The following MICAL3 variants were observed in gnomAD, a reference collection of about 807,000 sequenced individuals.
The protein encoded by MICAL3 is microtubule associated monooxygenase, calponin and LIM domain containing 3.
MICAL3 carries 62 observed loss-of-function variants against 207.4 expected under a neutral mutation model. The observed-to-expected ratio is 0.30, with a 90% CI of 0.24 to 0.37. The LOEUF is 0.37. Among genes scored for constraint, MICAL3 ranks in the 10% least tolerant of loss-of-function variants. MICAL3 has a pLI of 1.00. For missense variants in MICAL3, 2,368 were observed against 2,635.6 expected, an observed-to-expected ratio of 0.90 and a Z score of 2.22; for synonymous variants, 1,077 against 1,069.3, an observed-to-expected ratio of 1.01 and a Z score of -0.14.
chr22:18,000,557 G>A (rs1311867537), intron 1 of MICAL3, among the ~76,000 whole-genome samples: 1 of 152,242 alleles, frequency 6.6e-6, no homozygotes, highest in Non-Finnish European at 1.5e-5. Context: ...GCCAGGCGGA[G>A]GGTCTCGCTG....
At chr22:17,873,426 G>T (rs961548235) in intron 16 of MICAL3, among the ~76,000 whole-genome samples, 1 of 152,258 alleles carries the variant, frequency 6.6e-6, no homozygotes, top group African/African-American at 2.4e-5. Flanking sequence ...GGCAGCGAAC[G>T]CTCCCAGGCT....
chr22:17,825,404 G>A lies in MICAL3; in HGVS notation c.3193+2240C>T, dbSNP rs889836212. On this transcript the variant is annotated intron_variant, in intron 22 of 31. Coordinates refer to ENST00000441493, the MANE Select transcript of MICAL3 (RefSeq NM_015241.3). ...GCTGCCACGCAGGTTGATGAGCCAC[G>A]TGCTATGAAAGCCAGGAGCCACTGA... 7.2e-5 allele frequency among the ~76,000 whole-genome samples: 11 copies of A among 152,178 alleles called. No homozygotes were observed. In the East Asian group the frequency reaches 9.6e-4, roughly 13 times the overall value.
intron 24 of MICAL3, 25 bp downstream of exon 24, chr22:17,822,004 GT>G: frequency 1.2e-6 from 2 of 1,611,380 alleles, no homozygotes; most frequent in Non-Finnish European, 1.7e-6. Context: ...TCTGAAAGTT[GT>G]TTCTCCCATC....
chr22:17,926,809 A>C (rs1226486435), intron 1 of MICAL3, among the ~76,000 whole-genome samples: 1 of 152,202 alleles, frequency 6.6e-6, no homozygotes, highest in Admixed American at 6.5e-5. Flanking sequence ...TCGCCCATTT[A>C]TTCCTTCCTT....
chr22:17,978,319 A>G (rs961880877), intron 1 of MICAL3, among the ~76,000 whole-genome samples: 1 of 152,252 alleles, frequency 6.6e-6, no homozygotes, highest in Non-Finnish European at 1.5e-5. Flanking sequence ...GACTACATTT[A>G]CATGAAATGT....
chr22:17,883,588 C>G (rs1043654714), intron 16 of MICAL3, among the ~76,000 whole-genome samples: 4 of 152,200 alleles, frequency 2.6e-5, no homozygotes, highest in African/African-American at 9.7e-5. Flanking sequence ...ACTTGCTCAG[C>G]TGTGACACGG....
intron 2 of MICAL3, among the ~76,000 whole-genome samples, chr22:17,906,333 T>C (rs1931716258): frequency 2.0e-5 from 3 of 152,252 alleles, no homozygotes; most frequent in Admixed American, 6.5e-5. Flanking sequence ...AGGTTGTGGC[T>C]AGACTTTGCC....
At chr22:17,952,039 A>G (rs931657628) in intron 1 of MICAL3, among the ~76,000 whole-genome samples, 2 of 152,146 alleles carry the variant, frequency 1.3e-5, no homozygotes, top group African/African-American at 4.8e-5. Context: ...AATCACTTAG[A>G]ACTCAAGGGC....
chr22:17,861,224 G>A lies in MICAL3; in HGVS notation c.2605+3675C>T, dbSNP rs144050270. 136 of 985,422 alleles carry A rather than the reference G, an allele frequency of 1.4e-4. 1 individual carries two copies. The East Asian group carries it at 0.013, about 95-fold the overall frequency. The allele number at this position is 985,422 out of a possible 1,614,324, so 61.0% of individuals were successfully genotyped here. A position where few individuals can be genotyped will look rare whatever the true frequency, so the allele number is the denominator to read the frequency against. On this transcript the variant is annotated intron_variant, in intron 19 of 31. Transcript: ENST00000441493. Reference sequence around the variant, plus strand: ...CTACTGCCTGGCTACCCTTCTAGCTGGTGTGGGAAAGGCCTGCATTTCCTA... The same window carrying A: ...CTACTGCCTGGCTACCCTTCTAGCTAGTGTGGGAAAGGCCTGCATTTCCTA...
intron 1 of MICAL3, among the ~76,000 whole-genome samples, chr22:17,988,988 T>C (rs115430187): frequency 0.033 from 4,966 of 152,126 alleles, 120 homozygotes; most frequent in African/African-American, 0.069. Flanking sequence ...CTTCCGGCCT[T>C]TTACAGAAAC....
intron 1 of MICAL3, among the ~76,000 whole-genome samples, chr22:17,953,546 T>C (rs1389340123): frequency 6.6e-6 from 1 of 152,062 alleles, no homozygotes; most frequent in Non-Finnish European, 1.5e-5. Flanking sequence ...ATGATCTCTC[T>C]GGGACATGGG....
At chr22:17,798,936 G>A (rs2061907933) in intron 29 of MICAL3, among the ~76,000 whole-genome samples, 1 of 151,968 alleles carries the variant, frequency 6.6e-6, no homozygotes, top group Non-Finnish European at 1.5e-5. Flanking sequence ...GCCTCCCAAA[G>A]TGCTGGGATT....
chr22:17,820,698 G>A (rs1921488049), intron 25 of MICAL3, among the ~76,000 whole-genome samples: 2 of 151,560 alleles, frequency 1.3e-5, no homozygotes, highest in South Asian at 2.1e-4. Flanking sequence ...TTAACATAAT[G>A]TTAAAAATGC....
chr22:17,950,337 G>GTTTTTTTT (rs764642603), intron 1 of MICAL3, among the ~76,000 whole-genome samples: 75 of 89,298 alleles, frequency 8.4e-4, no homozygotes, highest in East Asian at 1.6e-3. Context: ...TTTTGTTTTT[G>GTTTTTTTT]TTTTTTTTTT....
At chr22:17,919,867 T>C (rs1932758320) in intron 1 of MICAL3, among the ~76,000 whole-genome samples, 1 of 152,196 alleles carries the variant, frequency 6.6e-6, no homozygotes, top group East Asian at 1.9e-4. Flanking sequence ...AGTGTAACTG[T>C]TCCCTATAAA....
At chr22:18,000,964 A>C (rs1041299538) in intron 1 of MICAL3, 1 of 151,940 alleles carries the variant, frequency 6.6e-6, no homozygotes, top group Non-Finnish European at 1.5e-5. Flanking sequence ...CGCCCCAAAA[A>C]GCACCCCCCG....
intron 1 of MICAL3, among the ~76,000 whole-genome samples, chr22:17,992,352 T>C (rs865849550): frequency 2.6e-5 from 4 of 152,226 alleles, no homozygotes; most frequent in African/African-American, 9.6e-5. Context: ...CTCAATCTTA[T>C]GTGCAAGAAA....
In MICAL3 at chr22:17,876,733, AGCTT is replaced by A. The variant is rs1159219305; in HGVS notation, c.2242-4714_2242-4711del. On this transcript the variant is annotated intron_variant, in intron 16 of 31. Coordinates refer to ENST00000441493, the MANE Select transcript of MICAL3 (RefSeq NM_015241.3). ...GTTAGGGAGGTTATGGAGGTTAGGGAGCTTATGGAGGTTAGGGAGGTTAAGGAGG... is the reference window on the plus strand; with the variant it reads ...GTTAGGGAGGTTATGGAGGTTAGGGAATGGAGGTTAGGGAGGTTAAGGAGG... 6 of 148,878 alleles carry A rather than the reference AGCTT, an allele frequency of 4.0e-5. No individual in the cohort carries two copies. In the East Asian group the frequency reaches 5.9e-4, roughly 15 times the overall value. The allele number at this position is 148,878 out of a possible 1,614,324, so 9.2% of individuals were successfully genotyped here. A position where few individuals can be genotyped will look rare whatever the true frequency, so the allele number is the denominator to read the frequency against.
Position 17,808,950 on chromosome 22 carries a change from G to C in MICAL3, c.5557-13C>G, listed in dbSNP as rs1461226822. 1.9e-6 allele frequency: 3 copies of C among 1,547,248 alleles called. No individual in the cohort carries two copies. The highest frequency in any genetic ancestry group is 2.6e-6 in the Non-Finnish European group (3 of 1,145,964). ...GCCGCTGGATGATCTATGACAGACA[G>C]CACAGACTGAGCACCCGGCTCTCCA... On this transcript the variant is annotated splice_polypyrimidine_tract_variant and intron_variant, in intron 28 of 31. Transcript: ENST00000441493.
Sources: allele counts gnomAD v4.1 joint callset (sites outside exome capture counted in the v4.1 genomes callset), GRCh38; gene constraint gnomAD v4.1.1; transcripts MANE v1.5; gene names NCBI Gene and HGNC (gene_info 2026-07-23, HGNC 2026-07-21).